Variants in NBPF8 observed in about 807,000 individuals in gnomAD.
NBPF8 encodes NBPF family member NBPF8.
At chr1:120,452,244 C>A in exon 13 of NBPF8, 1 of 1,269,516 alleles carries the variant, frequency 7.9e-7, no homozygotes, top group East Asian at 2.3e-5. Flanking sequence ...TCCGGATGAG[C>A]CGGACAAGTC....
chr1:120,450,297 C>T (rs1661229465), intron 11 of NBPF8, among the ~76,000 whole-genome samples: 1 of 151,910 alleles, frequency 6.6e-6, no homozygotes, highest in Non-Finnish European at 1.5e-5. Context: ...GAGTGAAGTC[C>T]TGCTTCCTGG....
At chr1:120,453,619 G>A (rs1661348629) in intron 14 of NBPF8, among the ~76,000 whole-genome samples, 175 bp downstream of exon 12, 1 of 151,602 alleles carries the variant, frequency 6.6e-6, no homozygotes. Flanking sequence ...TTCTCTATGT[G>A]TGCCGAGTGT....
At chr1:120,420,374 TTAG>T (rs1311306317) in intron 1 of NBPF8, among the ~76,000 whole-genome samples, 3 of 141,704 alleles carry the variant, frequency 2.1e-5, no homozygotes, top group Non-Finnish European at 3.1e-5. Context: ...GGACTTTTCC[TTAG>T]TAGCTAGATC....
chr1:120,469,067 A>G (rs1382490196), downstream of NBPF8, among the ~76,000 whole-genome samples: 10 of 147,850 alleles, frequency 6.8e-5, no homozygotes, highest in Non-Finnish European at 1.0e-4. Context: ...TCCTACTTCA[A>G]ATGCAGAACT....
chr1:120,436,347 T>A, upstream of NBPF8: 2 of 1,539,784 alleles, frequency 1.3e-6, no homozygotes, highest in South Asian at 1.2e-5. Context: ...TGGTGAAGGA[T>A]CCTAAAGTGC....
intron 1 of NBPF8, among the ~76,000 whole-genome samples, chr1:120,422,934 T>C (rs1660614031): frequency 9.6e-6 from 1 of 104,632 alleles, no homozygotes; most frequent in South Asian, 2.5e-4. Flanking sequence ...GTATATCTTA[T>C]TAATGAGGTG....
chr1:120,450,797 G>A (rs1454266062), intron 11 of NBPF8, among the ~76,000 whole-genome samples: 12 of 152,144 alleles, frequency 7.9e-5, no homozygotes, highest in Admixed American at 1.3e-4. Context: ...AGTCCTAGGG[G>A]CCTTCCCGAC....
exon 23 of NBPF8, chr1:120,464,542 G>A (rs1321605819): frequency 4.4e-5 from 35 of 793,594 alleles, no homozygotes; most frequent in South Asian, 8.0e-5. Context: ...TTCTCTTGAC[G>A]TGGGAGGTGA....
intron 24 of NBPF8, 83 bp from the exon 23 acceptor site, chr1:120,465,895 C>T (rs1661730989): frequency 2.5e-6 from 4 of 1,610,834 alleles, no homozygotes; most frequent in South Asian, 1.1e-5. Context: ...TAACCACTTC[C>T]TTATGTTACT....
upstream of NBPF8, among the ~76,000 whole-genome samples, chr1:120,431,629 A>T (rs1479265915): frequency 6.6e-6 from 1 of 150,842 alleles, no homozygotes; most frequent in Non-Finnish European, 1.5e-5. Context: ...GGCTGAAAAT[A>T]GCACCTGTTG....
chr1:120,454,155 C>G, intron 15 of NBPF8, 41 bp downstream of exon 13: 1 of 1,599,894 alleles, frequency 6.3e-7, no homozygotes, highest in Non-Finnish European at 8.6e-7. Flanking sequence ...TCTCTCTAGG[C>G]TGAGGAAGAT....
chr1:120,425,129 T>A (rs1307768489), intron 1 of NBPF8, among the ~76,000 whole-genome samples: 1 of 151,664 alleles, frequency 6.6e-6, no homozygotes, highest in African/African-American at 2.4e-5. Flanking sequence ...TACAGCCTCG[T>A]GGGAAGGGAA....
chr1:120,464,134 T>TCTCTCA (rs1491236485), intron 22 of NBPF8, among the ~76,000 whole-genome samples: 3 of 33,984 alleles, frequency 8.8e-5, no homozygotes, highest in African/African-American at 5.4e-4. Flanking sequence ...TCTCTCTCTC[T>TCTCTCA]GTGTGTGTGT....
intron 1 of NBPF8, among the ~76,000 whole-genome samples, chr1:120,422,666 A>C (rs1660607165): frequency 6.9e-6 from 1 of 145,932 alleles, no homozygotes; most frequent in Non-Finnish European, 1.5e-5. Flanking sequence ...CCAAGTTTTG[A>C]CAATTATGAT....
intron 18 of NBPF8, 44 bp from the exon 17 acceptor site, chr1:120,461,210 C>G: frequency 1.7e-6 from 1 of 603,282 alleles, no homozygotes; most frequent in Non-Finnish European, 3.0e-6. Flanking sequence ...TGTGTGGTTT[C>G]TGATTCCCCA....
chr1:120,424,437 A>G (rs1473887571), intron 1 of NBPF8, among the ~76,000 whole-genome samples: 1 of 151,866 alleles, frequency 6.6e-6, no homozygotes, highest in Non-Finnish European at 1.5e-5. Flanking sequence ...TTAAGTAGTG[A>G]ACCGTCTTTA....
intron 1 of NBPF8, among the ~76,000 whole-genome samples, chr1:120,421,599 GCTCT>G (rs1290530828): frequency 7.1e-6 from 1 of 140,354 alleles, no homozygotes; most frequent in Non-Finnish European, 1.5e-5. Context: ...TGTCTCTCAT[GCTCT>G]CTCTTTTTCT....
intron 3 of NBPF8, among the ~76,000 whole-genome samples, chr1:120,429,917 GA>G (rs1346691142): frequency 1.3e-5 from 2 of 150,958 alleles, no homozygotes; most frequent in Non-Finnish European, 2.9e-5. Context: ...GGGCAAAAGA[GA>G]AAAACTGTAT....
intron 22 of NBPF8, among the ~76,000 whole-genome samples, chr1:120,464,175 G>GTGTCTGTC (rs1312686101): frequency 4.1e-3 from 352 of 85,562 alleles, no homozygotes; most frequent in East Asian, 0.018. Flanking sequence ...GTGTGTGTGT[G>GTGTCTGTC]TGTCTGTCTG....
Sources: allele counts gnomAD v4.1 joint callset (sites outside exome capture counted in the v4.1 genomes callset), GRCh38; gene constraint gnomAD v4.1.1; transcripts MANE v1.5; gene names NCBI Gene and HGNC (gene_info 2026-07-23, HGNC 2026-07-21).